The following LRP1B variants were observed in gnomAD, a reference collection of about 807,000 sequenced individuals.
The protein encoded by LRP1B is low-density lipoprotein receptor-related protein 1B.
Under a neutral mutation model 556.6 loss-of-function variants are expected in LRP1B, and 217 were observed. The observed-to-expected ratio is 0.39, with a 90% confidence interval of 0.35 to 0.44. LRP1B has a LOEUF of 0.44. LRP1B is among the 20% of genes least tolerant of loss of function. The pLI is 1.00. For missense variants in LRP1B, 5,053 were observed against 5,620.8 expected, an observed-to-expected ratio of 0.90 and a Z score of 3.23; for synonymous variants, 2,047 against 1,865.8, an observed-to-expected ratio of 1.10 and a Z score of -2.50.
Position 140,492,184 on chromosome 2 carries a change from G to A in LRP1B, c.9120+424C>T, listed in dbSNP as rs1404230008. On this transcript the variant is annotated intron_variant, in intron 57 of 90. Coordinates refer to ENST00000389484, the MANE Select transcript of LRP1B (RefSeq NM_018557.3). Reference sequence around the variant, plus strand: ...TAGCTAGTGAATATTTAACACTTGAGACTAAATCCTGAAGAAAAATGAACG... The same window carrying A: ...TAGCTAGTGAATATTTAACACTTGAAACTAAATCCTGAAGAAAAATGAACG... Among the ~76,000 whole-genome samples the A allele has an allele frequency of 2.6e-5, 4 of 152,098 alleles. No homozygotes were observed. In the East Asian group the frequency reaches 7.7e-4, roughly 29 times the overall value.
At chr2:141,191,093 T>G (rs1409576355) in intron 6 of LRP1B, among the ~76,000 whole-genome samples, 1 of 151,948 alleles carries the variant, frequency 6.6e-6, no homozygotes, top group East Asian at 1.9e-4. Context: ...TTACTATTCT[T>G]AGCTCTTAAC....
At chr2:141,087,346 T>C (rs1475439140) in intron 7 of LRP1B, among the ~76,000 whole-genome samples, 1 of 152,152 alleles carries the variant, frequency 6.6e-6, no homozygotes, top group African/African-American at 2.4e-5. Flanking sequence ...CTACCAAGAC[T>C]TTCTGTCAGG....
intron 81 of LRP1B, among the ~76,000 whole-genome samples, chr2:140,322,598 T>A (rs1057513785): frequency 5.9e-5 from 7 of 119,366 alleles, no homozygotes; most frequent in African/African-American, 2.8e-4. Context: ...AAAATACGAC[T>A]TTTTTTTTGA....
chr2:140,292,738 C>G (rs1325902517), intron 84 of LRP1B, among the ~76,000 whole-genome samples: 5 of 152,150 alleles, frequency 3.3e-5, no homozygotes, highest in African/African-American at 9.7e-5. Flanking sequence ...TCTGACCTCA[C>G]TATTTCCTTT....
chr2:141,186,722 C>T (rs1681275349), intron 7 of LRP1B, among the ~76,000 whole-genome samples: 1 of 151,990 alleles, frequency 6.6e-6, no homozygotes, highest in South Asian at 2.1e-4. Context: ...GTTTTCTACT[C>T]TTAATTCCTG....
chr2:140,360,462 T>A (rs1389091102), intron 72 of LRP1B, among the ~76,000 whole-genome samples: 1 of 151,630 alleles, frequency 6.6e-6, no homozygotes, highest in Non-Finnish European at 1.5e-5. Context: ...TTATCCTATC[T>A]TTACTTTCTA....
At chr2:141,718,850 C>A (rs6724139) in intron 2 of LRP1B, among the ~76,000 whole-genome samples, 60,812 of 151,858 alleles carry the variant, frequency 0.4, 12,686 homozygotes, top group East Asian at 0.68. Flanking sequence ...CTACCTTCGT[C>A]AGAAGAAAGT....
intron 2 of LRP1B, among the ~76,000 whole-genome samples, chr2:141,525,723 T>A (rs1016934481): frequency 1.3e-5 from 2 of 152,072 alleles, no homozygotes; most frequent in South Asian, 4.1e-4. Flanking sequence ...AGAAAATACA[T>A]ACATAATATT....
chr2:141,804,619 TGA>T (rs1696111636), intron 2 of LRP1B, among the ~76,000 whole-genome samples: 2 of 152,008 alleles, frequency 1.3e-5, no homozygotes, highest in South Asian at 4.1e-4. Context: ...TGAGAAAGAA[TGA>T]GAGAGGATCG....
intron 1 of LRP1B, among the ~76,000 whole-genome samples, chr2:141,883,130 T>C (rs1699008736): frequency 6.6e-6 from 1 of 152,178 alleles, no homozygotes; most frequent in Admixed American, 6.5e-5. Flanking sequence ...ACTCACTTAG[T>C]CCAACAGTGC....
At chr2:140,735,821 C>T (rs1016973114) in intron 35 of LRP1B, among the ~76,000 whole-genome samples, 8 of 152,038 alleles carry the variant, frequency 5.3e-5, no homozygotes, top group Non-Finnish European at 1.2e-4. Context: ...AATTACTGGG[C>T]CTCAAAAGGG....
intron 10 of LRP1B, among the ~76,000 whole-genome samples, chr2:141,049,536 G>C (rs1239411907): frequency 6.6e-6 from 1 of 151,736 alleles, no homozygotes; most frequent in African/African-American, 2.4e-5. Flanking sequence ...TTAAAACATC[G>C]GGCACATTTA....
At chr2:141,849,534 C>G (rs1697773539) in intron 1 of LRP1B, among the ~76,000 whole-genome samples, 1 of 151,428 alleles carries the variant, frequency 6.6e-6, no homozygotes, top group Non-Finnish European at 1.5e-5. Flanking sequence ...CTCATAATAC[C>G]TTTATGAGAA....
intron 86 of LRP1B, among the ~76,000 whole-genome samples, chr2:140,249,570 T>G (rs1681314562): frequency 6.6e-6 from 1 of 151,756 alleles, no homozygotes; most frequent in African/African-American, 2.4e-5. Flanking sequence ...GGAGAAATAA[T>G]TTTAACAGTT....
intron 29 of LRP1B, among the ~76,000 whole-genome samples, chr2:140,846,658 C>T (rs1692282765): frequency 6.6e-6 from 1 of 152,008 alleles, no homozygotes; most frequent in Non-Finnish European, 1.5e-5. Context: ...GAAGCTGACC[C>T]CACATTATAT....
At chr2:141,559,645 G>C (rs922483225) in intron 2 of LRP1B, among the ~76,000 whole-genome samples, 1 of 151,518 alleles carries the variant, frequency 6.6e-6, no homozygotes, top group African/African-American at 2.4e-5. Flanking sequence ...TTTAAATAGG[G>C]AATAGTTTTA....
At chr2:142,120,424 T>C (rs1482525888) in intron 1 of LRP1B, among the ~76,000 whole-genome samples, 2 of 152,180 alleles carry the variant, frequency 1.3e-5, no homozygotes, top group African/African-American at 2.4e-5. Flanking sequence ...TACTACAGTT[T>C]TCTTGGAATT....
intron 7 of LRP1B, among the ~76,000 whole-genome samples, chr2:141,150,340 T>G (rs1436737336): frequency 6.6e-6 from 1 of 152,212 alleles, no homozygotes; most frequent in Non-Finnish European, 1.5e-5. Context: ...TAACTATATT[T>G]CAGCAGGAAA....
At position 141,247,371 on chromosome 2, in the gene LRP1B, G is replaced by T. The variant is rs1471599813; in HGVS notation, c.464-17C>A. ...CATCTTGATCTAAAAAGGAAAATTG[G>T]CATCATTTCTAAGCAGCTTTATCTT... On this transcript the variant is annotated splice_polypyrimidine_tract_variant and intron_variant, in intron 4 of 90. Transcript: ENST00000389484. 2 of 1,612,240 alleles carry T rather than the reference G, an allele frequency of 1.2e-6. No individual in the cohort carries two copies. Among genetic ancestry groups the T allele is most frequent in the Non-Finnish European group, 1.7e-6 (2 of 1,179,056 alleles).
Sources: allele counts gnomAD v4.1 joint callset (sites outside exome capture counted in the v4.1 genomes callset), GRCh38; gene constraint gnomAD v4.1.1; transcripts MANE v1.5; gene names NCBI Gene and HGNC (gene_info 2026-07-23, HGNC 2026-07-21).